MARCHF1: variants seen among roughly 807,000 people sequenced by gnomAD.
MARCHF1 encodes E3 ubiquitin-protein ligase MARCHF1.
A neutral mutation model predicts 54.2 loss-of-function variants in MARCHF1; 40 were observed. The observed-to-expected ratio is 0.74, with a 90% CI of 0.57 to 0.96. The LOEUF is 0.96. Among genes scored for constraint, MARCHF1 ranks in the 40% least tolerant of loss-of-function variants. The pLI is 0.00. For missense variants in MARCHF1, 586 were observed against 656.5 expected (o/e 0.89, Z 1.17); for synonymous variants, 236 against 236.3 (o/e 1.00, Z 0.01).
intron 2 of MARCHF1, among the ~76,000 whole-genome samples, chr4:164,107,206 C>T (rs1416930741): frequency 6.6e-6 from 1 of 152,076 alleles, no homozygotes; most frequent in African/African-American, 2.4e-5. Context: ...TGCCATTTGT[C>T]ATATATCAGT....
intron 7 of MARCHF1, among the ~76,000 whole-genome samples, chr4:163,590,938 T>G (rs1740569548): frequency 6.6e-6 from 1 of 151,884 alleles, no homozygotes; most frequent in Non-Finnish European, 1.5e-5. Context: ...ACGTGTTAAA[T>G]TACTTAATCT....
chr4:164,124,490 G>A (rs1756138979), intron 1 of MARCHF1, among the ~76,000 whole-genome samples: 1 of 152,162 alleles, frequency 6.6e-6, no homozygotes, highest in African/African-American at 2.4e-5. Flanking sequence ...GTTTGCTGCA[G>A]CAGTGTTTAT....
intron 3 of MARCHF1, among the ~76,000 whole-genome samples, chr4:163,904,539 T>C (rs977304451): frequency 6.6e-6 from 1 of 152,122 alleles, no homozygotes; most frequent in Non-Finnish European, 1.5e-5. Context: ...ACCAGAGAAA[T>C]GGATGGTTTT....
At chr4:163,557,742 T>A (rs1365807337) in intron 8 of MARCHF1, among the ~76,000 whole-genome samples, 4 of 152,198 alleles carry the variant, frequency 2.6e-5, no homozygotes, top group Non-Finnish European at 5.9e-5. Flanking sequence ...TCCCACTTAT[T>A]TACTATTATG....
chr4:164,151,660 A>C (rs1344115132), intron 1 of MARCHF1, among the ~76,000 whole-genome samples: 1 of 152,154 alleles, frequency 6.6e-6, no homozygotes, highest in Non-Finnish European at 1.5e-5. Flanking sequence ...ATTCCACTGG[A>C]GCCACTACAT....
rs1239451457 is a variant in MARCHF1, at chr4:164,096,584, A to T, written c.-248+15004T>A. Among the ~76,000 whole-genome samples the T allele has an allele frequency of 2.7e-5, 4 of 150,788 alleles. No homozygotes were observed. The East Asian group carries it at 5.8e-4, about 22-fold the overall frequency. ...GTATCTAAAATTAAAAAAAAAATTT[A>T]AAAAGTGTGCCTCCAGAGTCCTTCT... On this transcript the variant is annotated intron_variant, in intron 2 of 9. Coordinates refer to ENST00000514618, the MANE Select transcript of MARCHF1 (RefSeq NM_001394959.1).
chr4:164,079,751 A>G (rs563473338), intron 2 of MARCHF1, among the ~76,000 whole-genome samples: 42 of 152,206 alleles, frequency 2.8e-4, no homozygotes, highest in African/African-American at 9.6e-4. Flanking sequence ...TTTAGTAGTC[A>G]TAATTTGACC....
rs1560825352 is a variant in MARCHF1 at position 163,932,943 on chromosome 4, G to A, written c.-39+55558C>T. The stretch of plus-strand genomic sequence containing the variant: ...TGGTAATGATCAAAAACAAATGATA[G>A]ATAATTCCCAAGGAGCTTACCAAAA... On this transcript the variant is annotated intron_variant, in intron 3 of 9. Transcript: ENST00000514618. 3 of 667,568 alleles carry A rather than the reference G, an allele frequency of 4.5e-6. No homozygotes were observed. In the East Asian group the frequency reaches 1.1e-4, roughly 24 times the overall value. The allele number at this position is 667,568 out of a possible 1,614,324, so 41.4% of individuals were successfully genotyped here.
chr4:164,252,412 A>G (rs1367575295), intron 1 of MARCHF1, among the ~76,000 whole-genome samples: 8 of 152,174 alleles, frequency 5.3e-5, no homozygotes, highest in African/African-American at 1.7e-4. Context: ...ATGAGAGAAG[A>G]CACACAGAAA....
At chr4:163,898,928 C>G (rs750604095) in intron 3 of MARCHF1, among the ~76,000 whole-genome samples, 1 of 151,834 alleles carries the variant, frequency 6.6e-6, no homozygotes, top group African/African-American at 2.4e-5. Context: ...AGTGAACTAA[C>G]TAGAAAACAG....
intron 2 of MARCHF1, among the ~76,000 whole-genome samples, chr4:164,103,012 CAAAG>C (rs1755606211): frequency 8.0e-6 from 1 of 125,114 alleles, no homozygotes. Flanking sequence ...TCAAAAGAGA[CAAAG>C]AAGGCCATTA....
chr4:163,862,102 G>GT (rs1265805972), intron 3 of MARCHF1, among the ~76,000 whole-genome samples: 1 of 152,008 alleles, frequency 6.6e-6, no homozygotes, highest in East Asian at 1.9e-4. Context: ...ATGCAAAACT[G>GT]TAAACCTCTA....
intron 8 of MARCHF1, 54 bp from the exon 9 acceptor site, chr4:163,545,797 T>C (rs926176131): frequency 6.5e-7 from 1 of 1,549,982 alleles, no homozygotes; most frequent in Non-Finnish European, 8.9e-7. Context: ...GAAATTTTGC[T>C]CCTCTTTTAT....
intron 4 of MARCHF1, among the ~76,000 whole-genome samples, chr4:163,852,176 T>C (rs1002656130): frequency 2.0e-5 from 3 of 152,182 alleles, no homozygotes; most frequent in Non-Finnish European, 4.4e-5. Flanking sequence ...GAAGTCCCAT[T>C]CCTAGTAACC....
chr4:164,142,169 C>T (rs1756557561), intron 1 of MARCHF1, among the ~76,000 whole-genome samples: 1 of 152,200 alleles, frequency 6.6e-6, no homozygotes, highest in African/African-American at 2.4e-5. Flanking sequence ...TCGGAGGGTC[C>T]TATGCCCACG....
chr4:163,555,600 G>A (rs1739258127), intron 8 of MARCHF1, among the ~76,000 whole-genome samples: 1 of 152,112 alleles, frequency 6.6e-6, no homozygotes, highest in African/African-American at 2.4e-5. Flanking sequence ...TGAAAGAGAA[G>A]TCAGTATATT....
rs754312777 is a variant in MARCHF1, at chr4:164,112,637, A to G, written c.-322-975T>C. On this transcript the variant is annotated intron_variant, in intron 1 of 9. Coordinates refer to ENST00000514618, the MANE Select transcript of MARCHF1 (RefSeq NM_001394959.1). ...ATAGTTATATAAAATGAGTTTGCTT[A>G]TAGAATTAATAAGTTGACATATAAA... 2.6e-5 allele frequency among the ~76,000 whole-genome samples: 4 copies of G among 151,958 alleles called. No individual in the cohort carries two copies. In the East Asian group the frequency reaches 7.7e-4, roughly 29 times the overall value.
intron 1 of MARCHF1, among the ~76,000 whole-genome samples, chr4:164,340,153 A>G (rs1729870649): frequency 6.6e-6 from 1 of 151,990 alleles, no homozygotes; most frequent in Non-Finnish European, 1.5e-5. Context: ...AAAGTCTACA[A>G]AATATTTAAA....
rs373571028 is a variant in MARCHF1 at position 164,029,855 on chromosome 4, A to G, written c.-247-41146T>C. ...GGTGATCCACCCACCTTGGTCTCCC[A>G]AAGTGCTGGCATTACAGGTGTGAGT... On this transcript the variant is annotated intron_variant, in intron 2 of 9. Coordinates refer to ENST00000514618, the MANE Select transcript of MARCHF1 (RefSeq NM_001394959.1). Among the ~76,000 whole-genome samples the G allele has an allele frequency of 9.8e-4, 150 of 152,294 alleles. 2 individuals carry two copies. In the South Asian group the frequency reaches 0.03, roughly 31 times the overall value.
Sources: allele counts gnomAD v4.1 joint callset (sites outside exome capture counted in the v4.1 genomes callset), GRCh38; gene constraint gnomAD v4.1.1; transcripts MANE v1.5; gene names NCBI Gene and HGNC (gene_info 2026-07-23, HGNC 2026-07-21).